GPR83: variants seen among roughly 807,000 people sequenced by gnomAD.
GPR83 encodes G protein-coupled receptor 83.
Under a neutral mutation model 28.0 loss-of-function variants are expected in GPR83, and 23 were observed. The observed-to-expected ratio is 0.82, with a 90% CI of 0.59 to 1.16. GPR83 has a LOEUF of 1.16. Among genes scored for constraint, GPR83 ranks in the 50% most tolerant of loss-of-function variants. The pLI is 0.00. For synonymous variants in GPR83, 234 were observed against 215.4 expected, an observed-to-expected ratio of 1.09 and a Z score of -0.76; for missense variants, 610 against 536.6, an observed-to-expected ratio of 1.14 and a Z score of -1.35.
At chr11:94,390,904 T>C (rs1240492078) in intron 3 of GPR83, among the ~76,000 whole-genome samples, 1 of 152,174 alleles carries the variant, frequency 6.6e-6, no homozygotes, top group Non-Finnish European at 1.5e-5. Flanking sequence ...CTGCTCAAAG[T>C]AATTTATAGG....
At chr11:94,394,943 G>C (rs1010866617) in intron 2 of GPR83, among the ~76,000 whole-genome samples, 1 of 152,206 alleles carries the variant, frequency 6.6e-6, no homozygotes, top group Non-Finnish European at 1.5e-5. Flanking sequence ...TCTGGGGTAA[G>C]CATAGGCCAG....
In GPR83 at chr11:94,382,963, G is replaced by A. The variant is rs556078205; in HGVS notation, c.648-2190C>T. 1.1e-4 allele frequency among the ~76,000 whole-genome samples: 16 copies of A among 151,894 alleles called. 1 individual carries two copies. Among genetic ancestry groups the A allele is most frequent in the African/African-American group, 3.9e-4 (16 of 41,422 alleles). ...GCGGATCATGAGGTCAGGAGCTTGA[G>A]ACCATCCCGGCTAACACAGTGAAAC... On this transcript the variant is annotated intron_variant, in intron 3 of 3. Coordinates refer to ENST00000243673, the MANE Select transcript of GPR83 (RefSeq NM_016540.4).
chr11:94,389,926 T>G (rs1449762199), intron 3 of GPR83, among the ~76,000 whole-genome samples: 2 of 152,088 alleles, frequency 1.3e-5, no homozygotes, highest in Non-Finnish European at 2.9e-5. Context: ...AACCCAAATG[T>G]CCAACAATGA....
chr11:94,380,196 C>A lies in GPR83; in HGVS notation c.1225G>T (p.Gly409Trp), dbSNP rs528951531. Reference sequence around the variant, plus strand: ...TCCACAGATGACAGGTCTGTCTTCCCAGACTGGAGTTGGGAGGTGGGCAGG... The same window carrying A: ...TCCACAGATGACAGGTCTGTCTTCCAAGACTGGAGTTGGGAGGTGGGCAGG... ...NLLPTSQLQS[G>W]KTDLSSVEPI... Residue 409 changes from glycine to tryptophan, a missense_variant, in exon 4 of 4, where the codon GGG becomes TGG. Coordinates refer to ENST00000243673, the MANE Select transcript of GPR83 (RefSeq NM_016540.4). The A allele has an allele frequency of 2.6e-6, 4 of 1,520,000 alleles. No homozygotes were observed. Among genetic ancestry groups the A allele is most frequent in the Admixed American group, 4.5e-5 (2 of 44,410 alleles). 94.2% of individuals were successfully genotyped at this position (1,520,000 alleles called of 1,614,324 possible). A position where few individuals can be genotyped will look rare whatever the true frequency, so the allele number is the denominator to read the frequency against.
chr11:94,385,795 A>C (rs2155210), intron 3 of GPR83, among the ~76,000 whole-genome samples: 96,107 of 152,044 alleles, frequency 0.63, 30,885 homozygotes, highest in East Asian at 0.71. Context: ...TCCAGGAGAA[A>C]TTCCCCAATC....
At chr11:94,389,335 A>T (rs540630709) in intron 3 of GPR83, among the ~76,000 whole-genome samples, 39 of 152,364 alleles carry the variant, frequency 2.6e-4, no homozygotes, top group African/African-American at 9.1e-4. Context: ...GGATCTAATT[A>T]AACTAAAGAG....
chr11:94,388,772 C>T (rs1386401183), intron 3 of GPR83, among the ~76,000 whole-genome samples: 2 of 152,134 alleles, frequency 1.3e-5, no homozygotes, highest in African/African-American at 4.8e-5. Context: ...AGATTCAATG[C>T]CATCCCCATC....
In GPR83 at chr11:94,380,153, CTCA is replaced by C. The variant is rs1160766760; in HGVS notation, c.1265_1267del (p.Met422del). 1 of 1,511,936 alleles carries C rather than the reference CTCA, an allele frequency of 6.6e-7. No homozygotes were observed. The highest frequency in any genetic ancestry group is 2.3e-5 in the Admixed American group (1 of 43,820). 93.7% of individuals were successfully genotyped at this position (1,511,936 alleles called of 1,614,324 possible). A position where few individuals can be genotyped will look rare whatever the true frequency, so the allele number is the denominator to read the frequency against. On this transcript the variant is annotated inframe_deletion, in exon 4 of 4. Transcript: ENST00000243673. The stretch of plus-strand genomic sequence containing the variant: ...ACTCCCTCTTCCCAACCTCTTCTAA[CTCA>C]TCGTCACAATGGGTTCCACAGATGA...
intron 1 of GPR83, among the ~76,000 whole-genome samples, chr11:94,400,124 G>A (rs1480752590): frequency 6.6e-6 from 1 of 152,212 alleles, no homozygotes; most frequent in Non-Finnish European, 1.5e-5. Context: ...TGATATTTCA[G>A]TTGTAGCACA....
Position 94,387,618 on chromosome 11 carries a change from A to G in GPR83, c.647+5867T>C, listed in dbSNP as rs536117932. On this transcript the variant is annotated intron_variant, in intron 3 of 3. Transcript: ENST00000243673. ...TCCTCGACACATACACCCTCCCAAG[A>G]CTAAACCAGGAAGAAGTTGAATCTC... 3.3e-5 allele frequency among the ~76,000 whole-genome samples: 5 copies of G among 152,316 alleles called. No individual in the cohort carries two copies. The South Asian group carries it at 1.0e-3, about 32-fold the overall frequency.
At chr11:94,382,278 G>T (rs1391639781) in intron 3 of GPR83, among the ~76,000 whole-genome samples, 4 of 146,284 alleles carry the variant, frequency 2.7e-5, no homozygotes, top group Non-Finnish European at 4.4e-5. Flanking sequence ...AGGAGGCAGA[G>T]GTTGCGGTGA....
rs1444972727 is a variant in GPR83 at position 94,401,334 on chromosome 11, G to A, written c.-87C>T. 16 of 1,352,340 alleles carry A rather than the reference G, an allele frequency of 1.2e-5. No homozygotes were observed. Among genetic ancestry groups the A allele is most frequent in the Non-Finnish European group, 1.5e-5 (15 of 1,015,452 alleles). 83.8% of individuals were successfully genotyped at this position (1,352,340 alleles called of 1,614,324 possible). A position where few individuals can be genotyped will look rare whatever the true frequency, so the allele number is the denominator to read the frequency against. ...GGAGCGCGCAGCCGGGGTGCGGGGC[G>A]CACAGCATACAAGGCCGTCCCGAGG... is the stretch of plus-strand genomic sequence containing the variant. On this transcript the variant is annotated 5_prime_UTR_variant, in exon 1 of 4. Transcript: ENST00000243673.
chr11:94,377,856 G>A lies in GPR83; in HGVS notation c.*2293C>T, dbSNP rs1277614165. 1.3e-5 allele frequency: 2 copies of A among 152,162 alleles called. No homozygotes were observed. Among genetic ancestry groups the A allele is most frequent in the African/African-American group, 4.8e-5 (2 of 41,442 alleles). 9.4% of individuals were successfully genotyped at this position (152,162 alleles called of 1,614,324 possible). A position where few individuals can be genotyped will look rare whatever the true frequency, so the allele number is the denominator to read the frequency against. ...ACTTCCAATATTTTGGACTTACGAT[G>A]GGTTTATTGAGATGTAAGTCAAGGA... On this transcript the variant is annotated 3_prime_UTR_variant, in exon 4 of 4. Coordinates refer to ENST00000243673, the MANE Select transcript of GPR83 (RefSeq NM_016540.4).
In GPR83 at chr11:94,396,360, G is replaced by C. The variant is rs376823560; in HGVS notation, c.513+39C>G. On this transcript the variant is annotated intron_variant, in intron 2 of 3. Coordinates refer to ENST00000243673, the MANE Select transcript of GPR83 (RefSeq NM_016540.4). ...TGCAACTTCCAGGAAAGGGAAGCAAGAGAGGGAAGAGCAGAGCATTAGGGG... is the reference window on the plus strand; with the variant it reads ...TGCAACTTCCAGGAAAGGGAAGCAACAGAGGGAAGAGCAGAGCATTAGGGG... 9 of 1,597,714 alleles carry C rather than the reference G, an allele frequency of 5.6e-6. No individual in the cohort carries two copies. In the African/African-American group the frequency reaches 1.2e-4, roughly 21 times the overall value.
At chr11:94,382,723 A>G (rs2134682915) in intron 3 of GPR83, among the ~76,000 whole-genome samples, 1 of 152,290 alleles carries the variant, frequency 6.6e-6, no homozygotes, top group Admixed American at 6.5e-5. Context: ...AAATCAACAG[A>G]ATATACATTC....
rs1944632532 is a variant in GPR83 at position 94,377,470 on chromosome 11, T to A, written c.*2679A>T. ...ACACGGACCTCGGGGAAGGGACAGA[T>A]CTAATGAGCCATCAGTGGGTTCTCC... is the stretch of plus-strand genomic sequence containing the variant. On this transcript the variant is annotated 3_prime_UTR_variant, in exon 4 of 4. Transcript: ENST00000243673. The A allele has an allele frequency of 1.3e-5, 2 of 152,118 alleles. No homozygotes were observed. The highest frequency in any genetic ancestry group is 2.9e-5 in the Non-Finnish European group (2 of 68,040). The allele number at this position is 152,118 out of a possible 1,614,324, so 9.4% of individuals were successfully genotyped here. A position where few individuals can be genotyped will look rare whatever the true frequency, so the allele number is the denominator to read the frequency against.
chr11:94,386,726 T>C (rs1053215630), intron 3 of GPR83, among the ~76,000 whole-genome samples: 2 of 152,144 alleles, frequency 1.3e-5, no homozygotes, highest in African/African-American at 4.8e-5. Flanking sequence ...ACAATAATAA[T>C]GGGAGACTTT....
In GPR83 at chr11:94,401,131, C is replaced by A. The variant is rs772203744; in HGVS notation, c.117G>T (p.Ser39=). ...AEAALAVPNA[S]HFFSWNNYTF... The stretch of plus-strand genomic sequence containing the variant: ...TGTAGTTGTTCCAAGAGAAGAAGTG[C>A]GAGGCATTGGGCACGGCCAGGGCCG... The change falls in exon 1 of 4, where the codon TCG becomes TCT. Residue 39 remains serine, a synonymous_variant. Transcript: ENST00000243673. 3.1e-6 allele frequency: 5 copies of A among 1,614,088 alleles called. No homozygotes were observed. In the African/African-American group the frequency reaches 6.7e-5, roughly 22 times the overall value.
intron 2 of GPR83, 24 bp from the exon 3 acceptor site, chr11:94,393,642 A>T: frequency 6.2e-7 from 1 of 1,612,850 alleles, no homozygotes; most frequent in Non-Finnish European, 8.5e-7. Flanking sequence ...AAACCACATC[A>T]CTAACTGAAG....
Sources: allele counts gnomAD v4.1 joint callset (sites outside exome capture counted in the v4.1 genomes callset), GRCh38; gene constraint gnomAD v4.1.1; transcripts MANE v1.5; gene names NCBI Gene and HGNC (gene_info 2026-07-23, HGNC 2026-07-21).